Variants in DYNLRB1 observed in about 807,000 individuals in gnomAD.
DYNLRB1 encodes the protein ROBL/LC7-like 1.
A neutral mutation model predicts 13.5 loss-of-function variants in DYNLRB1; 6 were observed. The observed-to-expected ratio is 0.44, with a 90% CI of 0.24 to 0.88. DYNLRB1 has a LOEUF of 0.88. Among genes scored for constraint, DYNLRB1 ranks in the 40% least tolerant of loss-of-function variants. The pLI, the probability that DYNLRB1 is intolerant of heterozygous loss-of-function variation, is 0.21. For missense variants in DYNLRB1, 93 were observed against 127.2 expected (o/e 0.73, Z 1.29); for synonymous variants, 43 against 45.0 (o/e 0.96, Z 0.18).
chr20:34,540,485 ATTTTATGGTT>A (rs1981491395), intron 3 of DYNLRB1, 86 bp from the exon 4 acceptor site: 1 of 1,191,756 alleles, frequency 8.4e-7, no homozygotes, highest in Non-Finnish European at 1.2e-6. Context: ...CCCCTTCCTC[ATTTTATGGTT>A]AGTGATTTAA....
chr20:34,516,994 GC>G (rs1448114380), intron 1 of DYNLRB1: 2 of 1,260,632 alleles, frequency 1.6e-6, no homozygotes, highest in Non-Finnish European at 2.0e-6. Context: ...AAGCTTGACG[GC>G]CGCCACTCTG....
chr20:34,529,918 C>A, intron 2 of DYNLRB1: 1 of 1,499,160 alleles, frequency 6.7e-7, no homozygotes, highest in South Asian at 1.3e-5. Flanking sequence ...TGCCCCTGAT[C>A]AGTTGGGTGG....
chr20:34,535,592 C>T (rs1256044461), intron 3 of DYNLRB1: 3 of 963,418 alleles, frequency 3.1e-6, no homozygotes, highest in East Asian at 1.1e-4. Context: ...CCTCCAGGGC[C>T]GTCTTTGCAT....
intron 1 of DYNLRB1, 198 bp downstream of exon 1, chr20:34,516,659 G>A: frequency 6.8e-7 from 1 of 1,461,600 alleles, no homozygotes; most frequent in Non-Finnish European, 9.1e-7. Flanking sequence ...AGGCGGGGCC[G>A]CCGGATCCCG....
At chr20:34,540,545 C>T in intron 3 of DYNLRB1, 36 bp from the exon 4 acceptor site, 1 of 1,590,758 alleles carries the variant, frequency 6.3e-7, no homozygotes, top group Middle Eastern at 1.7e-4. Flanking sequence ...TCTCATTTTA[C>T]ATTTAGTGAT....
chr20:34,517,838 C>T (rs1979381135), intron 1 of DYNLRB1, among the ~76,000 whole-genome samples: 1 of 152,040 alleles, frequency 6.6e-6, no homozygotes, highest in Non-Finnish European at 1.5e-5. Context: ...CCGTGTTAGT[C>T]CGCCTCAACA....
At chr20:34,516,521 A>C in intron 1 of DYNLRB1, 60 bp downstream of exon 1, 1 of 1,604,870 alleles carries the variant, frequency 6.2e-7, no homozygotes, top group Non-Finnish European at 8.5e-7. Context: ...CCAGGCCTTC[A>C]GTCTTCCGAG....
chr20:34,535,459 A>G, intron 3 of DYNLRB1: 1 of 814,560 alleles, frequency 1.2e-6, no homozygotes, highest in Non-Finnish European at 1.5e-6. Flanking sequence ...GATCATTCTC[A>G]GGGTGAGGAG....
chr20:34,538,439 AAC>A (rs1981339171), intron 3 of DYNLRB1, among the ~76,000 whole-genome samples: 1 of 152,084 alleles, frequency 6.6e-6, no homozygotes, highest in Non-Finnish European at 1.5e-5. Context: ...AGTCTCAAAA[AAC>A]AAAACAAAAA....
rs556436203 is a variant in DYNLRB1 at position 34,539,984 on chromosome 20, AAGAG to A, written c.248-589_248-586del. Among the ~76,000 whole-genome samples, 39 of 151,986 alleles carry A rather than the reference AAGAG, an allele frequency of 2.6e-4. No individual in the cohort carries two copies. In the East Asian group the frequency reaches 4.3e-3, roughly 17 times the overall value. On this transcript the variant is annotated intron_variant, in intron 3 of 3. Transcript: ENST00000357156. Reference sequence around the variant, plus strand: ...TGCTCTGTCTCGCGGAGGGGAAAAAAAGAGAGAGAGAAAAAAGAAAATGACATTA... The same window carrying A: ...TGCTCTGTCTCGCGGAGGGGAAAAAAAGAGAGAAAAAAGAAAATGACATTA...
chr20:34,529,895 C>G lies in DYNLRB1; in HGVS notation c.79+3552C>G. ...GACACTGTGGAGACAGGAGCAGGCC[C>G]CCTGCTCAGGGCTGCCCCTGATCAG... On this transcript the variant is annotated intron_variant, in intron 2 of 3. Transcript: ENST00000357156. The G allele has an allele frequency of 2.0e-6, 3 of 1,522,218 alleles. No individual in the cohort carries two copies. The South Asian group carries it at 3.7e-5, about 19-fold the overall frequency. The allele number at this position is 1,522,218 out of a possible 1,614,324, so 94.3% of individuals were successfully genotyped here. A position where few individuals can be genotyped will look rare whatever the true frequency, so the allele number is the denominator to read the frequency against.
chr20:34,529,822 G>T (rs1226882839), intron 2 of DYNLRB1: 1 of 1,478,214 alleles, frequency 6.8e-7, no homozygotes, highest in Non-Finnish European at 9.0e-7. Context: ...GTCTAGTTCT[G>T]ATTAAACCAT....
chr20:34,527,637 T>A (rs1288401925), intron 2 of DYNLRB1, among the ~76,000 whole-genome samples: 2 of 152,174 alleles, frequency 1.3e-5, no homozygotes, highest in Non-Finnish European at 2.9e-5. Context: ...AAAAGTCTAA[T>A]TTATTAGAGC....
At chr20:34,532,582 A>G (rs968464762) in intron 2 of DYNLRB1, among the ~76,000 whole-genome samples, 1 of 152,192 alleles carries the variant, frequency 6.6e-6, no homozygotes, top group Non-Finnish European at 1.5e-5. Context: ...TGGTTAGATT[A>G]TAATGGACGC....
At chr20:34,524,887 C>A (rs1980064626) in intron 1 of DYNLRB1, among the ~76,000 whole-genome samples, 1 of 152,154 alleles carries the variant, frequency 6.6e-6, no homozygotes, top group Non-Finnish European at 1.5e-5. Context: ...CTACGCCCGG[C>A]TAATTTTTTT....
In DYNLRB1 at chr20:34,536,097, G is replaced by A. The variant is rs556706552; in HGVS notation, c.247+1302G>A. 4.6e-5 allele frequency: 45 copies of A among 985,422 alleles called. 2 individuals are homozygous for A. Among genetic ancestry groups the A allele is most frequent in the Middle Eastern group, 1.0e-3 (2 of 1,914 alleles). 61.0% of individuals were successfully genotyped at this position (985,422 alleles called of 1,614,324 possible). A position where few individuals can be genotyped will look rare whatever the true frequency, so the allele number is the denominator to read the frequency against. ...CACTCCCTAGAGGGGTGGGGACAGA[G>A]CAGTTCAGTCACAGAGAAGAACATA... On this transcript the variant is annotated intron_variant, in intron 3 of 3. Transcript: ENST00000357156.
At chr20:34,533,896 G>A (rs932631690) in intron 2 of DYNLRB1, among the ~76,000 whole-genome samples, 2 of 151,874 alleles carry the variant, frequency 1.3e-5, no homozygotes, top group Admixed American at 6.6e-5. Context: ...CAGCACTTTG[G>A]GAGGCCGAGG....
chr20:34,538,248 G>T (rs754281782), intron 3 of DYNLRB1, among the ~76,000 whole-genome samples: 1 of 149,748 alleles, frequency 6.7e-6, no homozygotes. Flanking sequence ...GATTATATGC[G>T]TGAGCCACCA....
intron 1 of DYNLRB1, among the ~76,000 whole-genome samples, chr20:34,518,459 AC>A (rs1462235123): frequency 2.0e-5 from 3 of 151,320 alleles, no homozygotes; most frequent in Non-Finnish European, 4.4e-5. Flanking sequence ...CACTCTCCTA[AC>A]CCCCAGTCTC....
Sources: gnomAD v4.1 joint callset for allele counts (sites outside exome capture counted in the v4.1 genomes callset) on GRCh38, gnomAD v4.1.1 for gene constraint, MANE v1.5 for transcripts, NCBI Gene and HGNC (gene_info 2026-07-23, HGNC 2026-07-21) for gene names.